Variants in C11orf65 observed in about 807,000 individuals in gnomAD.
The protein encoded by C11orf65 is chromosome 11 open reading frame 65.
A neutral mutation model predicts 35.3 loss-of-function variants in C11orf65; 38 were observed. The ratio of observed to expected loss-of-function variants is 1.08; its 90% CI spans 0.83 to 1.41. C11orf65 has a LOEUF of 1.41. Ranked by LOEUF, C11orf65 falls within the 40% of genes most tolerant of loss-of-function variation. The probability of loss-of-function intolerance (pLI) is 0.00; values close to 1 mark genes in which losing one functional copy is unlikely to be tolerated. For missense variants in C11orf65, 370 were observed against 367.1 expected, an observed-to-expected ratio of 1.01 and a Z score of -0.06; for synonymous variants, 105 against 114.4, an observed-to-expected ratio of 0.92 and a Z score of 0.53.
chr11:108,340,811 T>G (rs1369745995), intron 2 of C11orf65, among the ~76,000 whole-genome samples: 1 of 152,160 alleles, frequency 6.6e-6, no homozygotes, highest in East Asian at 1.9e-4. Context: ...CCTATGAACC[T>G]CCTCCCATGT....
chr11:108,329,815 A>G (rs886559134), downstream of C11orf65, among the ~76,000 whole-genome samples: 6 of 152,224 alleles, frequency 3.9e-5, no homozygotes, highest in African/African-American at 1.2e-4. Context: ...TGGAGAATAT[A>G]GATATTAGCT....
chr11:108,325,691 A>G (rs926507153), intron 6 of C11orf65: 18 of 788,426 alleles, frequency 2.3e-5, no homozygotes, highest in Non-Finnish European at 3.5e-5. Context: ...AAGAGTTCCC[A>G]TTTTGGAATT....
rs1491163038 is a variant in C11orf65 at position 108,317,612 on chromosome 11, GTT to G, written c.641-8543_641-8542del. ...CTCTTCTATGAATATAACAGGAGTT[GTT>G]TTATATATATATATATATATATATA... On this transcript the variant is annotated intron_variant, in intron 6 of 6. Transcript: ENST00000525729. The G allele has an allele frequency of 1.8e-3, 492 of 272,428 alleles. 6 individuals are homozygous for G. The African/African-American group carries it at 0.031, about 17-fold the overall frequency. The allele number at this position is 272,428 out of a possible 1,614,324, so 16.9% of individuals were successfully genotyped here. A position where few individuals can be genotyped will look rare whatever the true frequency, so the allele number is the denominator to read the frequency against.
intron 7 of C11orf65, among the ~76,000 whole-genome samples, chr11:108,387,011 G>A (rs2092020049): frequency 6.6e-6 from 1 of 151,852 alleles, no homozygotes; most frequent in Non-Finnish European, 1.5e-5. Flanking sequence ...AAACCTGGGA[G>A]GTGGAGCTTG....
At chr11:108,397,985 T>C (rs1011805500) in intron 6 of C11orf65, among the ~76,000 whole-genome samples, 2 of 152,146 alleles carry the variant, frequency 1.3e-5, no homozygotes, top group Admixed American at 1.3e-4. Flanking sequence ...AAGTACCTAA[T>C]TGTGTCTAGG....
rs1483483743 is a variant in C11orf65 at position 108,423,536 on chromosome 11, C to T, written c.174+8210G>A. Reference sequence around the variant, plus strand: ...CAGCTCTGAAGAGAGCAGCAGATCTCCCAGCACAGTGCTCGAGCTCTGCTA... The same window carrying T: ...CAGCTCTGAAGAGAGCAGCAGATCTTCCAGCACAGTGCTCGAGCTCTGCTA... On this transcript the variant is annotated intron_variant, in intron 3 of 8. Coordinates refer to ENST00000393084, the MANE Select transcript of C11orf65 (RefSeq NM_152587.5). 4.6e-5 allele frequency among the ~76,000 whole-genome samples: 7 copies of T among 152,296 alleles called. No individual in the cohort carries two copies. In the East Asian group the frequency reaches 1.4e-3, roughly 29 times the overall value.
intron 6 of C11orf65, among the ~76,000 whole-genome samples, chr11:108,317,737 T>C (rs2084873122): frequency 6.7e-6 from 1 of 148,684 alleles, no homozygotes; most frequent in Non-Finnish European, 1.5e-5. Context: ...AAAAAATATA[T>C]AGTAGATGTT....
At chr11:108,450,472 T>A (rs538698204) in intron 2 of C11orf65, among the ~76,000 whole-genome samples, 21 of 151,340 alleles carry the variant, frequency 1.4e-4, no homozygotes, top group Non-Finnish European at 2.9e-4. Context: ...ATGACCTTTG[T>A]AGGAACATGG....
At chr11:108,311,024 G>A (rs1052575598) in intron 6 of C11orf65, among the ~76,000 whole-genome samples, 12 of 152,192 alleles carry the variant, frequency 7.9e-5, no homozygotes, top group Non-Finnish European at 1.5e-4. Context: ...CTGTGGTGCA[G>A]TGGTGCGATC....
intron 2 of C11orf65, among the ~76,000 whole-genome samples, chr11:108,341,270 A>G (rs1243811442): frequency 6.6e-6 from 1 of 151,616 alleles, no homozygotes; most frequent in Non-Finnish European, 1.5e-5. Context: ...CACACCAGTC[A>G]CTCCCTTACT....
At chr11:108,399,880 T>C (rs745963211) in intron 6 of C11orf65, among the ~76,000 whole-genome samples, 4 of 152,218 alleles carry the variant, frequency 2.6e-5, no homozygotes, top group Non-Finnish European at 5.9e-5. Context: ...GATTTTCAAA[T>C]GGAATATAGC....
At chr11:108,454,114 A>T (rs2093384552) in intron 2 of C11orf65, among the ~76,000 whole-genome samples, 1 of 151,934 alleles carries the variant, frequency 6.6e-6, no homozygotes, top group South Asian at 2.1e-4. Flanking sequence ...TGGTCTATTC[A>T]TATTTTCTAT....
chr11:108,321,355 C>G lies in C11orf65; in HGVS notation c.641-12284G>C, dbSNP rs863224295. ...GCAGCCTTGAGTCTGTGTATTCGCTCTATCCCACACTTAGCAGGTTGCAGG... is the reference window on the plus strand; with the variant it reads ...GCAGCCTTGAGTCTGTGTATTCGCTGTATCCCACACTTAGCAGGTTGCAGG... On this transcript the variant is annotated intron_variant, in intron 6 of 6. Coordinates refer to the C11orf65 transcript ENST00000525729. 16 of 1,614,066 alleles carry G rather than the reference C, an allele frequency of 9.9e-6. No individual in the cohort carries two copies. Among genetic ancestry groups the G allele is most frequent in the African/African-American group, 1.3e-5 (1 of 74,932 alleles).
At chr11:108,428,113 G>A (rs1269835526) in intron 3 of C11orf65, among the ~76,000 whole-genome samples, 1 of 151,816 alleles carries the variant, frequency 6.6e-6, no homozygotes, top group Non-Finnish European at 1.5e-5. Context: ...ACAGGCGTGA[G>A]CCACCGCGCC....
intron 2 of C11orf65, among the ~76,000 whole-genome samples, chr11:108,440,240 C>T (rs2093128550): frequency 6.6e-6 from 1 of 152,170 alleles, no homozygotes; most frequent in Non-Finnish European, 1.5e-5. Context: ...TATAGCTGTT[C>T]TAATCATCTA....
chr11:108,422,351 T>C (rs1445376683), intron 3 of C11orf65, among the ~76,000 whole-genome samples: 1 of 152,224 alleles, frequency 6.6e-6, no homozygotes, highest in Non-Finnish European at 1.5e-5. Flanking sequence ...AAGAATAGCC[T>C]GGAGTGTTTT....
chr11:108,406,619 C>A lies in C11orf65; in HGVS notation c.429+144G>T. On this transcript the variant is annotated intron_variant, in intron 5 of 8. Coordinates refer to ENST00000393084, the MANE Select transcript of C11orf65 (RefSeq NM_152587.5). ...TGTGCCTTGAAGTATTATTAGCAAC[C>A]CCTGAGTAGCTAACTTAAGCAAAAT... 8.0e-6 allele frequency: 4 copies of A among 501,456 alleles called. No individual in the cohort carries two copies. The highest frequency in any genetic ancestry group is 3.7e-5 in the South Asian group (1 of 27,156). 31.1% of individuals were successfully genotyped at this position (501,456 alleles called of 1,614,324 possible). A position where few individuals can be genotyped will look rare whatever the true frequency, so the allele number is the denominator to read the frequency against.
rs545668249 is a variant in C11orf65, at chr11:108,310,726, A to G, written c.641-1655T>C. On this transcript the variant is annotated intron_variant, in intron 6 of 6. Coordinates refer to the C11orf65 transcript ENST00000525729. ...TATTCAAGATTCATTTTGGATATAA[A>G]ATATCCAAAATTATAATCCAAAATG... Among the ~76,000 whole-genome samples the G allele has an allele frequency of 2.6e-5, 4 of 152,254 alleles. No individual in the cohort carries two copies. In the East Asian group the frequency reaches 7.7e-4, roughly 29 times the overall value.
At chr11:108,430,644 G>C (rs923397964) in intron 3 of C11orf65, among the ~76,000 whole-genome samples, 13 of 151,966 alleles carry the variant, frequency 8.6e-5, no homozygotes, top group African/African-American at 3.1e-4. Context: ...AGGAGTTCAA[G>C]ACCAGCTTGA....
Sources: allele counts gnomAD v4.1 joint callset (sites outside exome capture counted in the v4.1 genomes callset), GRCh38; gene constraint gnomAD v4.1.1; transcripts MANE v1.5; gene names NCBI Gene and HGNC (gene_info 2026-07-23, HGNC 2026-07-21).